SULF2: variants seen among roughly 807,000 people sequenced by gnomAD.
The protein encoded by SULF2 is sulfatase 2, also known as extracellular sulfatase Sulf-2.
A neutral mutation model predicts 107.7 loss-of-function variants in SULF2; 52 were observed. The observed-to-expected ratio is 0.48, with a 90% CI of 0.39 to 0.61. The LOEUF (loss-of-function observed/expected upper bound fraction) is 0.61, where lower values mean the gene tolerates loss of function less well. SULF2 is among the 20% of genes least tolerant of loss of function. The pLI is 0.00. For missense variants in SULF2, 993 were observed against 1,177.3 expected, an observed-to-expected ratio of 0.84 and a Z score of 2.29; for synonymous variants, 460 against 464.3, an observed-to-expected ratio of 0.99 and a Z score of 0.12.
chr20:47,707,513 C>T (rs542556265), intron 3 of SULF2, among the ~76,000 whole-genome samples: 8 of 152,264 alleles, frequency 5.3e-5, no homozygotes, highest in African/African-American at 1.9e-4. Context: ...TGCTGCGAAA[C>T]TCCCTCCCAG....
In SULF2 at chr20:47,681,219, C is replaced by CTG. The variant is rs371420289; in HGVS notation, c.1064+1773_1064+1774dup. On this transcript the variant is annotated intron_variant, in intron 7 of 20. Coordinates refer to ENST00000688720, the MANE Select transcript of SULF2 (RefSeq NM_001387048.1). ...CTGCTGGATCCAGCCATGCCTGAGG[C>CTG]TGGAGCTGTGCATGGACTTTTCAGT... 3.8e-3 allele frequency among the ~76,000 whole-genome samples: 580 copies of CTG among 152,318 alleles called. 4 individuals are homozygous for CTG. The highest frequency in any genetic ancestry group is 0.013 in the African/African-American group (543 of 41,574).
chr20:47,667,597 T>C (rs549598095), intron 11 of SULF2, among the ~76,000 whole-genome samples: 22 of 152,288 alleles, frequency 1.4e-4, no homozygotes, highest in African/African-American at 3.9e-4. Flanking sequence ...GGCTGCCCAC[T>C]GTCTTCCCTG....
rs866418667 is a variant in SULF2, at chr20:47,745,402, A to T, written c.176-8460T>A. On this transcript the variant is annotated intron_variant, in intron 2 of 20. Coordinates refer to ENST00000688720, the MANE Select transcript of SULF2 (RefSeq NM_001387048.1). ...TGAGGGAAAAAAAAAAAAAAAAAAA[A>T]AAAAAAAAATATATATATATATATA... 3.3e-3 allele frequency among the ~76,000 whole-genome samples: 88 copies of T among 26,836 alleles called. 2 individuals carry two copies. The highest frequency in any genetic ancestry group is 0.016 in the African/African-American group (75 of 4,790). 17.6% of individuals were successfully genotyped at this position (26,836 alleles called of 152,430 possible).
rs527873006 is a variant in SULF2 at position 47,694,674 on chromosome 20, G to A, written c.568-4379C>T. On this transcript the variant is annotated intron_variant, in intron 4 of 20. Transcript: ENST00000688720. The surrounding 1 kb of genome is among the most constrained non-coding windows in gnomAD (Gnocchi z 4.4). ...CCTGCAGGCATCCACAAGCTTCACC[G>A]ACTGAGTAGCTAGTGTCTGCGGAGA... 1.1e-4 allele frequency among the ~76,000 whole-genome samples: 16 copies of A among 152,264 alleles called. No individual in the cohort carries two copies. Among genetic ancestry groups the A allele is most frequent in the South Asian group, 6.2e-4 (3 of 4,826 alleles).
chr20:47,782,925 C>T (rs2122750572), intron 1 of SULF2, among the ~76,000 whole-genome samples: 1 of 152,312 alleles, frequency 6.6e-6, no homozygotes, highest in Middle Eastern at 3.4e-3. Flanking sequence ...TCTTCTACAT[C>T]TGGGACAAAG....
chr20:47,772,181 T>C (rs537681577), intron 1 of SULF2, among the ~76,000 whole-genome samples: 1 of 152,370 alleles, frequency 6.6e-6, no homozygotes, highest in South Asian at 2.1e-4. Flanking sequence ...GAAAAGTCTA[T>C]CTTGGAGGAA....
chr20:47,690,317 G>C, intron 4 of SULF2, 22 bp from the exon 5 acceptor site: 1 of 1,432,190 alleles, frequency 7.0e-7, no homozygotes, highest in Non-Finnish European at 9.3e-7. Context: ...GGAGAGACAG[G>C]AGAACAGGTG....
At chr20:47,683,717 C>A (rs751634298) in intron 6 of SULF2, among the ~76,000 whole-genome samples, 4 of 152,226 alleles carry the variant, frequency 2.6e-5, no homozygotes, top group Non-Finnish European at 5.9e-5. Flanking sequence ...GACAGAAGAA[C>A]TGACTTTATA....
intron 1 of SULF2, among the ~76,000 whole-genome samples, chr20:47,768,556 GCACGGCCTACCAGCC>G (rs1342347150): frequency 6.6e-6 from 1 of 152,262 alleles, no homozygotes; most frequent in Non-Finnish European, 1.5e-5. Context: ...AGGCCTCAGG[GCACGGCCTACCAGCC>G]CACGCTAGGC....
chr20:47,709,902 CT>C (rs36064156), intron 3 of SULF2, among the ~76,000 whole-genome samples: 38,634 of 137,770 alleles, frequency 0.28, 5,377 homozygotes, highest in African/African-American at 0.38. Context: ...CCTGAAACCA[CT>C]TTTTTTTTTT....
intron 2 of SULF2, 46 bp from the exon 3 acceptor site, chr20:47,736,988 C>G (rs763888683): frequency 6.2e-7 from 1 of 1,608,040 alleles, no homozygotes; most frequent in Non-Finnish European, 8.5e-7. Context: ...GAGACCCGGG[C>G]GGCACCGGCA....
rs546653018 is a variant in SULF2, at chr20:47,702,382, A to T, written c.567+137T>A. 321 of 915,542 alleles carry T rather than the reference A, an allele frequency of 3.5e-4. 1 individual carries two copies. The African/African-American group carries it at 4.9e-3, about 14-fold the overall frequency. The allele number at this position is 915,542 out of a possible 1,614,324, so 56.7% of individuals were successfully genotyped here. A position where few individuals can be genotyped will look rare whatever the true frequency, so the allele number is the denominator to read the frequency against. On this transcript the variant is annotated intron_variant, in intron 4 of 20. Transcript: ENST00000688720. ...GCTGAGAGATGAAAAACTGAGGAGG[A>T]GGTGTATGTAAAATGCTCAAGGTCA...
At chr20:47,696,669 ATGG>A (rs2088390089) in intron 4 of SULF2, among the ~76,000 whole-genome samples, 1 of 152,188 alleles carries the variant, frequency 6.6e-6, no homozygotes, top group Admixed American at 6.5e-5. Flanking sequence ...AATGCACCAG[ATGG>A]TGATTTGTTG....
rs549090105 is a variant in SULF2 at position 47,707,445 on chromosome 20, C to G, written c.416-4775G>C. 3.3e-5 allele frequency among the ~76,000 whole-genome samples: 5 copies of G among 152,312 alleles called. No homozygotes were observed. In the East Asian group the frequency reaches 9.6e-4, roughly 29 times the overall value. On this transcript the variant is annotated intron_variant, in intron 3 of 20. Coordinates refer to ENST00000688720, the MANE Select transcript of SULF2 (RefSeq NM_001387048.1). ...TGCTTAGAGGCTCTGGAGCGGAACT[C>G]TCACTCACTGGGAGGTTGCCTCGAG...
Position 47,690,264 on chromosome 20 carries a change from C to A in SULF2, c.599G>T (p.Ser200Ile). 6.5e-7 allele frequency: 1 copy of A among 1,549,302 alleles called. No homozygotes were observed. Among genetic ancestry groups the A allele is most frequent in the East Asian group, 2.4e-5 (1 of 41,498 alleles). ...CTTGGACGTGCGGAAGAAGCTCACG[C>A]TGTCATTGGTGATGAGGTCTGTGAG... ...DYLTDLITND[S>I]VSFFRTSKKM... Residue 200 changes from serine to isoleucine, a missense_variant, in exon 5 of 21, where the codon AGC becomes ATC. Coordinates refer to ENST00000688720, the MANE Select transcript of SULF2 (RefSeq NM_001387048.1).
intron 1 of SULF2, among the ~76,000 whole-genome samples, chr20:47,777,765 C>T (rs1338983610): frequency 6.6e-6 from 1 of 152,114 alleles, no homozygotes; most frequent in Non-Finnish European, 1.5e-5. Flanking sequence ...CGAGAGCAGA[C>T]CAGAAATGTG....
intron 1 of SULF2, among the ~76,000 whole-genome samples, chr20:47,772,548 C>G (rs573733284): frequency 5.9e-5 from 9 of 152,296 alleles, no homozygotes; most frequent in African/African-American, 2.2e-4. Flanking sequence ...TCACGCGATT[C>G]CCTCCTTGAT....
chr20:47,726,890 C>T (rs1322593000), intron 3 of SULF2, among the ~76,000 whole-genome samples: 1 of 152,180 alleles, frequency 6.6e-6, no homozygotes, highest in Non-Finnish European at 1.5e-5. Context: ...TCAACGCCCA[C>T]TGCAGGTGGA....
At chr20:47,778,741 G>A (rs1264201712) in intron 1 of SULF2, among the ~76,000 whole-genome samples, 7 of 152,308 alleles carry the variant, frequency 4.6e-5, no homozygotes, top group African/African-American at 9.6e-5. Context: ...GGCTCAGCCC[G>A]AGCCTTCAGG....
Sources: allele counts gnomAD v4.1 joint callset (sites outside exome capture counted in the v4.1 genomes callset), GRCh38; gene constraint gnomAD v4.1.1; non-coding constraint Gnocchi (gnomAD v3.1); transcripts MANE v1.5; gene names NCBI Gene and HGNC (gene_info 2026-07-23, HGNC 2026-07-21).